Variants in NDST3 observed in about 807,000 individuals in gnomAD.
NDST3 encodes N-deacetylase and N-sulfotransferase 3.
In NDST3, 58 loss-of-function variants were observed where a neutral mutation model predicts 96.1. The observed-to-expected ratio is 0.60, with a 90% CI of 0.49 to 0.75. The LOEUF (loss-of-function observed/expected upper bound fraction) is 0.75, where lower values mean the gene tolerates loss of function less well. NDST3 is among the 30% of genes least tolerant of loss of function. NDST3 has a pLI of 0.00. For synonymous variants in NDST3, 333 were observed against 359.7 expected (o/e 0.93, Z 0.84); for missense variants, 788 against 1,034.2 (o/e 0.76, Z 3.27).
chr4:118,059,102 G>T (rs1725689966), intron 2 of NDST3, among the ~76,000 whole-genome samples: 1 of 151,974 alleles, frequency 6.6e-6, no homozygotes, highest in African/African-American at 2.4e-5. Context: ...TTTGATTTCT[G>T]TAATAGGTAC....
intron 6 of NDST3, among the ~76,000 whole-genome samples, chr4:118,144,929 T>A (rs1437001961): frequency 6.6e-6 from 1 of 152,156 alleles, no homozygotes; most frequent in African/African-American, 2.4e-5. Context: ...ACTATACCTA[T>A]GTTTTAACTC....
In NDST3 at chr4:118,222,919, T is replaced by C. The variant is rs192682685; in HGVS notation, c.1540-1572T>C. On this transcript the variant is annotated intron_variant, in intron 6 of 13. Transcript: ENST00000296499. ...AATGTATTAGTATCATGAGGTTATA[T>C]AGTATCTCTATTTCCCATTTTCTGT... is the stretch of plus-strand genomic sequence containing the variant. Among the ~76,000 whole-genome samples, 98 of 152,128 alleles carry C rather than the reference T, an allele frequency of 6.4e-4. 1 individual carries two copies. In the East Asian group the frequency reaches 0.011, roughly 17 times the overall value.
rs35067389 is a variant in NDST3, at chr4:118,058,430, C to CAAAAAAAA, written c.981+3548_981+3555dup. On this transcript the variant is annotated intron_variant, in intron 2 of 13. Coordinates refer to ENST00000296499, the MANE Select transcript of NDST3 (RefSeq NM_004784.3). ...TTTCATTCTTTGTGCCACAAAAAGA[C>CAAAAAAAA]AAAAAAAAAAAAAAAACAGACCTAA... 4.2e-4 allele frequency among the ~76,000 whole-genome samples: 50 copies of CAAAAAAAA among 118,136 alleles called. 3 individuals are homozygous for CAAAAAAAA. Among genetic ancestry groups the CAAAAAAAA allele is most frequent in the Non-Finnish European group, 4.2e-4 (25 of 59,316 alleles). The allele number at this position is 118,136 out of a possible 152,430, so 77.5% of individuals were successfully genotyped here.
chr4:118,136,417 T>C (rs770507773), intron 4 of NDST3, among the ~76,000 whole-genome samples: 3 of 152,212 alleles, frequency 2.0e-5, no homozygotes, highest in Non-Finnish European at 4.4e-5. Flanking sequence ...CTTCAATCAC[T>C]TTAGTTGAGC....
At position 118,220,678 on chromosome 4, in the gene NDST3, C is replaced by A. The variant is rs188659226; in HGVS notation, c.1540-3813C>A. Among the ~76,000 whole-genome samples, 158 of 152,014 alleles carry A rather than the reference C, an allele frequency of 1.0e-3. 1 individual carries two copies. Among genetic ancestry groups the A allele is most frequent in the African/African-American group, 3.6e-3 (151 of 41,492 alleles). The stretch of plus-strand genomic sequence containing the variant: ...AGCCAAATTCACATGTCTGTATGAA[C>A]CAGTTCTCTTTTTAGCAATCTTCTG... On this transcript the variant is annotated intron_variant, in intron 6 of 13. Transcript: ENST00000296499.
chr4:118,237,169 G>A lies in NDST3; in HGVS notation c.2067G>A (p.Lys689=), dbSNP rs566900595. The A allele has an allele frequency of 1.9e-6, 3 of 1,613,646 alleles. No individual in the cohort carries two copies. The East Asian group carries it at 6.7e-5, about 36-fold the overall frequency. The part of the protein sequence containing the change: ...KRAASLVPKA[K]IITILIDPSD... The stretch of plus-strand genomic sequence containing the variant: ...CTGCTTCTCTGGTTCCCAAAGCCAA[G>A]ATTATCACCATTCTCATTGACCCTT... Residue 689 remains lysine, a synonymous_variant, in exon 10 of 14, where the codon AAG becomes AAA. Coordinates refer to ENST00000296499, the MANE Select transcript of NDST3 (RefSeq NM_004784.3).
At chr4:118,048,858 C>T (rs1024511006) in intron 1 of NDST3, among the ~76,000 whole-genome samples, 38 of 152,106 alleles carry the variant, frequency 2.5e-4, no homozygotes, top group African/African-American at 8.4e-4. Context: ...TTAAACTTGA[C>T]ACCTGACCAA....
chr4:118,104,493 T>A (rs925921633), intron 2 of NDST3, among the ~76,000 whole-genome samples: 1 of 152,224 alleles, frequency 6.6e-6, no homozygotes, highest in Non-Finnish European at 1.5e-5. Context: ...GTCTGTTTTT[T>A]AATGAAAGGG....
At chr4:118,168,526 A>G (rs1163939880) in intron 6 of NDST3, among the ~76,000 whole-genome samples, 1 of 152,024 alleles carries the variant, frequency 6.6e-6, no homozygotes, top group Non-Finnish European at 1.5e-5. Context: ...ACAGTTGGTA[A>G]GAATGTAAAA....
intron 6 of NDST3, among the ~76,000 whole-genome samples, chr4:118,144,097 T>A (rs1452167553): frequency 6.6e-6 from 1 of 152,112 alleles, no homozygotes; most frequent in Non-Finnish European, 1.5e-5. Context: ...AGGAATTAGG[T>A]AAGCAAATCT....
At chr4:118,113,090 A>G (rs370067131) in intron 3 of NDST3, among the ~76,000 whole-genome samples, 2 of 152,184 alleles carry the variant, frequency 1.3e-5, no homozygotes, top group Non-Finnish European at 2.9e-5. Context: ...TAAGTTACCC[A>G]ATATTGCCAG....
chr4:118,201,681 A>T (rs1738097046), intron 6 of NDST3, among the ~76,000 whole-genome samples: 1 of 152,160 alleles, frequency 6.6e-6, no homozygotes, highest in African/African-American at 2.4e-5. Flanking sequence ...GATTCTGGAT[A>T]CTAGGCCATT....
chr4:118,212,657 C>T (rs185715462), intron 6 of NDST3, among the ~76,000 whole-genome samples: 22 of 152,224 alleles, frequency 1.4e-4, no homozygotes, highest in Non-Finnish European at 2.9e-4. Flanking sequence ...CAATCCTACA[C>T]CTTTAAAGTC....
At chr4:118,182,938 C>T (rs1204469752) in intron 6 of NDST3, among the ~76,000 whole-genome samples, 4 of 151,088 alleles carry the variant, frequency 2.6e-5, no homozygotes, top group Admixed American at 2.6e-4. Flanking sequence ...TTATGATAAA[C>T]AATACAAAAG....
intron 3 of NDST3, among the ~76,000 whole-genome samples, chr4:118,108,958 T>C (rs1578654105): frequency 3.3e-5 from 5 of 152,188 alleles, no homozygotes; most frequent in Non-Finnish European, 1.5e-5. Flanking sequence ...TATTGTAACC[T>C]CAAAAATAAA....
At chr4:118,055,086 T>C in intron 2 of NDST3, 195 bp downstream of exon 2, 1 of 702,674 alleles carries the variant, frequency 1.4e-6, no homozygotes, top group Non-Finnish European at 2.4e-6. Flanking sequence ...AAAATAAAGA[T>C]TTTACTAAAA....
chr4:118,090,694 A>C (rs942909668), intron 2 of NDST3, among the ~76,000 whole-genome samples: 5 of 151,938 alleles, frequency 3.3e-5, no homozygotes, highest in Non-Finnish European at 5.9e-5. Flanking sequence ...TCGAAGGAAG[A>C]AAAAACATCA....
chr4:118,240,646 G>A lies in NDST3; in HGVS notation c.2241G>A (p.Trp747Ter). The change falls in exon 11 of 14, where the codon TGG (tryptophan) becomes TGA (stop). Residue 747 changes from tryptophan to a stop codon, truncating the protein, a stop_gained. Coordinates refer to ENST00000296499, the MANE Select transcript of NDST3 (RefSeq NM_004784.3). LOFTEE classifies it high-confidence loss of function. ...AGAAGAGATGTTTGGTCCCGGGGTG[G>A]TATGCCAGCCACATCGAGAGATGGC... ...ALQKRCLVPG[W>*]YASHIERWLV... 6.2e-7 allele frequency: 1 copy of A among 1,613,756 alleles called. No individual in the cohort carries two copies. Among genetic ancestry groups the A allele is most frequent in the African/African-American group, 1.3e-5 (1 of 74,998 alleles).
chr4:118,253,438 C>T (rs1741889022), intron 12 of NDST3, 61 bp from the exon 13 acceptor site: 2 of 1,080,938 alleles, frequency 1.9e-6, no homozygotes, highest in African/African-American at 1.6e-5. Flanking sequence ...GTCACCATAT[C>T]ATATAAATTG....
Sources: gnomAD v4.1 joint callset for allele counts (sites outside exome capture counted in the v4.1 genomes callset) on GRCh38, gnomAD v4.1.1 for gene constraint, MANE v1.5 for transcripts, NCBI Gene and HGNC (gene_info 2026-07-23, HGNC 2026-07-21) for gene names.